Variants in ALDH3A2 observed in about 807,000 individuals in gnomAD.
ALDH3A2 encodes the protein aldehyde dehydrogenase family 3 member A2.
In ALDH3A2, 36 loss-of-function variants were observed where a neutral mutation model predicts 51.3. The observed-to-expected ratio is 0.70, with a 90% CI of 0.54 to 0.93. The LOEUF (loss-of-function observed/expected upper bound fraction) is 0.93, where lower values mean the gene tolerates loss of function less well. Among genes scored for constraint, ALDH3A2 ranks in the 40% least tolerant of loss-of-function variants. The pLI, the probability that ALDH3A2 is intolerant of heterozygous loss-of-function variation, is 0.00. For missense variants in ALDH3A2, 552 were observed against 603.1 expected, an observed-to-expected ratio of 0.92 and a Z score of 0.89; for synonymous variants, 199 against 219.8, an observed-to-expected ratio of 0.91 and a Z score of 0.84.
At chr17:19,650,011 A>C (rs1304337764) in intron 1 of ALDH3A2, 1 of 152,654 alleles carries the variant, frequency 6.6e-6, no homozygotes, top group Non-Finnish European at 1.5e-5. Context: ...TCTTGGGTTC[A>C]AGCGATTCTC....
rs1400358976 is a variant in ALDH3A2, at chr17:19,664,950, C to T, written c.1110C>T (p.Leu370=). ...ALYVFSHNHK[L]IKRMIDETSS... is the part of the protein sequence containing the mutation. Reference sequence around the variant, plus strand: ...GGACACCTTTGGTCTGTCCTCAGCTCATCAAACGGATGATTGATGAGACAT... The same window carrying T: ...GGACACCTTTGGTCTGTCCTCAGCTTATCAAACGGATGATTGATGAGACAT... Residue 370 remains leucine, a splice_region_variant and synonymous_variant, in exon 8 of 10, where the codon CTC becomes CTT. Transcript: ENST00000176643. 27 of 1,613,156 alleles carry T rather than the reference C, an allele frequency of 1.7e-5. No homozygotes were observed. The highest frequency in any genetic ancestry group is 1.0e-4 in the Admixed American group (6 of 59,980).
chr17:19,650,386 G>C (rs2084799205), intron 1 of ALDH3A2, among the ~76,000 whole-genome samples: 1 of 151,880 alleles, frequency 6.6e-6, no homozygotes, highest in African/African-American at 2.4e-5. Context: ...GGCTCAAGCA[G>C]TCCTCCTGCC....
chr17:19,669,196 G>T (rs1485312403), intron 8 of ALDH3A2, among the ~76,000 whole-genome samples: 1 of 151,714 alleles, frequency 6.6e-6, no homozygotes, highest in African/African-American at 2.4e-5. Context: ...CCAGCTACTT[G>T]GGAGGCTGAG....
chr17:19,671,773 T>G lies in ALDH3A2; in HGVS notation c.1260T>G (p.Ser420=), dbSNP rs774927274. 5.0e-6 allele frequency: 8 copies of G among 1,614,204 alleles called. No homozygotes were observed. The Admixed American group carries it at 1.3e-4, about 27-fold the overall frequency. Residue 420 remains serine, a synonymous_variant, in exon 9 of 10, where the codon TCT becomes TCG. Transcript: ENST00000176643. The part of the protein sequence containing the change: ...YHGKHSFDTF[S]HQRPCLLKSL... ...GAAAACATAGTTTTGATACTTTTTCTCATCAGCGTCCCTGTTTATTAAAAA... is the reference window on the plus strand; with the variant it reads ...GAAAACATAGTTTTGATACTTTTTCGCATCAGCGTCCCTGTTTATTAAAAA...
intron 5 of ALDH3A2, 138 bp downstream of exon 5, chr17:19,658,000 T>G (rs750069972): frequency 1.5e-5 from 11 of 726,380 alleles, no homozygotes; most frequent in Non-Finnish European, 2.4e-5. Flanking sequence ...ACTTATTGAC[T>G]AATATGAAAA....
chr17:19,674,087 T>TA (rs1266104709), intron 9 of ALDH3A2: 1 of 152,176 alleles, frequency 6.6e-6, no homozygotes, highest in Admixed American at 6.5e-5. Flanking sequence ...TTTTCATTTT[T>TA]AAAAAAAGGT....
chr17:19,669,948 G>A (rs557991300), intron 8 of ALDH3A2, among the ~76,000 whole-genome samples: 1 of 152,030 alleles, frequency 6.6e-6, no homozygotes, highest in Admixed American at 6.6e-5. Context: ...TCAAATGCAC[G>A]CATTTTAGAG....
chr17:19,652,023 C>T (rs1430385822), intron 2 of ALDH3A2, among the ~76,000 whole-genome samples: 1 of 152,156 alleles, frequency 6.6e-6, no homozygotes, highest in Non-Finnish European at 1.5e-5. Context: ...ATGTGTGAGT[C>T]AGCAGGCCCA....
intron 1 of ALDH3A2, among the ~76,000 whole-genome samples, chr17:19,650,484 C>G (rs904459129): frequency 2.0e-5 from 3 of 151,928 alleles, no homozygotes; most frequent in Middle Eastern, 3.2e-3. Context: ...GGCGGAGTCT[C>G]GCTCTTTCTC....
chr17:19,661,309 T>C, intron 6 of ALDH3A2, 41 bp downstream of exon 6: 2 of 1,613,514 alleles, frequency 1.2e-6, no homozygotes, highest in African/African-American at 1.3e-5. Context: ...GATGGCAATT[T>C]GGCAGTTTTT....
chr17:19,655,053 T>A (rs562384748), intron 3 of ALDH3A2, among the ~76,000 whole-genome samples: 1 of 152,334 alleles, frequency 6.6e-6, no homozygotes, highest in Admixed American at 6.5e-5. Flanking sequence ...CTGCGGGTAG[T>A]TCATCTGTCT....
rs146742699 is a variant in ALDH3A2 at position 19,672,005 on chromosome 17, T to TGGC, written c.1443+50_1443+52dup. 3.4e-3 allele frequency: 5,101 copies of TGGC among 1,503,460 alleles called. 25 individuals are homozygous for TGGC. The highest frequency in any genetic ancestry group is 0.019 in the African/African-American group (1,392 of 72,652). 93.1% of individuals were successfully genotyped at this position (1,503,460 alleles called of 1,614,324 possible). ...GCCATTCAGTCTGGTCCTGGCCTGA[T>TGGC]GGCTGCCAGATGCATATTCTAGCAG... On this transcript the variant is annotated intron_variant, in intron 9 of 9. Coordinates refer to ENST00000176643, the MANE Select transcript of ALDH3A2 (RefSeq NM_000382.3).
chr17:19,667,812 G>T (rs1365233868), intron 8 of ALDH3A2, among the ~76,000 whole-genome samples: 2 of 152,116 alleles, frequency 1.3e-5, no homozygotes, highest in Non-Finnish European at 1.5e-5. Flanking sequence ...ACTTGCCTTG[G>T]CCTCCCAAAG....
chr17:19,656,679 T>TA, intron 4 of ALDH3A2, 105 bp downstream of exon 4: 4 of 1,141,784 alleles, frequency 3.5e-6, no homozygotes, highest in Non-Finnish European at 5.1e-6. Flanking sequence ...GGCTCCAAGA[T>TA]ACATTATTAA....
Position 19,675,702 on chromosome 17 carries a change from A to T in ALDH3A2, c.*130A>T. The T allele has an allele frequency of 9.3e-7, 1 of 1,076,080 alleles. No individual in the cohort carries two copies. The highest frequency in any genetic ancestry group is 1.3e-5 in the South Asian group (1 of 78,688). 66.7% of individuals were successfully genotyped at this position (1,076,080 alleles called of 1,614,324 possible). ...ATGCAAACACTCTGTGATCAAACTT[A>T]AAAGTCATTGCCATTCATCATTAAT... On this transcript the variant is annotated 3_prime_UTR_variant, in exon 10 of 10. Transcript: ENST00000176643.
Position 19,675,676 on chromosome 17 carries a change from T to G in ALDH3A2, c.*104T>G. On this transcript the variant is annotated 3_prime_UTR_variant, in exon 10 of 10. Transcript: ENST00000176643. ...AATCATACCAAAAATAGTAAGAAAA[T>G]ATGCAAACACTCTGTGATCAAACTT... 7.9e-7 allele frequency: 1 copy of G among 1,261,584 alleles called. No individual in the cohort carries two copies. Among genetic ancestry groups the G allele is most frequent in the East Asian group, 2.3e-5 (1 of 43,018 alleles). 78.1% of individuals were successfully genotyped at this position (1,261,584 alleles called of 1,614,324 possible).
At chr17:19,649,375 T>TA in intron 1 of ALDH3A2, 1 of 524,036 alleles carries the variant, frequency 1.9e-6, no homozygotes, top group Non-Finnish European at 3.4e-6. Flanking sequence ...ATTTTTCTGT[T>TA]ACATTTGTGG....
At chr17:19,665,733 C>T (rs1018222902) in intron 8 of ALDH3A2, among the ~76,000 whole-genome samples, 4 of 152,132 alleles carry the variant, frequency 2.6e-5, no homozygotes, top group African/African-American at 9.7e-5. Context: ...TTTATTTCTC[C>T]TTTGGGACCT....
rs374853216 is a variant in ALDH3A2, at chr17:19,665,011, C to T, written c.1171C>T (p.His391Tyr). The change falls in exon 8 of 10, where the codon CAC becomes TAC. Residue 391 changes from histidine (H) to tyrosine (Y), a missense_variant. Transcript: ENST00000176643. ...TGTCACAGGCAATGACGTCATTATGCACTTCACGCTCAACTCTTTCCCATT... is the reference window on the plus strand; with the variant it reads ...TGTCACAGGCAATGACGTCATTATGTACTTCACGCTCAACTCTTTCCCATT... ...GGVTGNDVIM[H>Y]FTLNSFPFGG... The T allele has an allele frequency of 3.8e-5, 61 of 1,613,958 alleles. No individual in the cohort carries two copies. The highest frequency in any genetic ancestry group is 5.2e-5 in the Non-Finnish European group (61 of 1,179,982).
Sources: allele counts gnomAD v4.1 joint callset (sites outside exome capture counted in the v4.1 genomes callset), GRCh38; gene constraint gnomAD v4.1.1; transcripts MANE v1.5; gene names NCBI Gene and HGNC (gene_info 2026-07-23, HGNC 2026-07-21).